Variants in GZMH observed in about 807,000 individuals in gnomAD.
The protein encoded by GZMH is cathepsin G-like 2, protein h-CCPX.
A neutral mutation model predicts 20.7 loss-of-function variants in GZMH; 24 were observed. The ratio of observed to expected loss-of-function variants is 1.16; its 90% CI spans 0.84 to 1.63. The LOEUF is 1.63. Among genes scored for constraint, GZMH ranks in the 40% most tolerant of loss-of-function variants. The probability of loss-of-function intolerance (pLI) is 0.00; values close to 1 mark genes in which losing one functional copy is unlikely to be tolerated. For synonymous variants in GZMH, 119 were observed against 116.1 expected, an observed-to-expected ratio of 1.02 and a Z score of -0.16; for missense variants, 344 against 302.7, an observed-to-expected ratio of 1.14 and a Z score of -1.01.
At chr14:24,609,529 C>A in intron 1 of GZMH, 30 bp downstream of exon 1, 1 of 1,537,014 alleles carries the variant, frequency 6.5e-7, no homozygotes, top group South Asian at 1.2e-5. Context: ...AAGATGGGTT[C>A]AGGCCTCTGG....
intron 1 of GZMH, among the ~76,000 whole-genome samples, chr14:24,608,625 G>T (rs2066890108): frequency 6.6e-6 from 1 of 152,200 alleles, no homozygotes; most frequent in Non-Finnish European, 1.5e-5. Context: ...AATGGACAGT[G>T]CTTGACTTCT....
rs777651881 is a variant in GZMH, at chr14:24,607,297, A to G, written c.449T>C (p.Val150Ala). The part of the protein sequence containing the change: ...QLCSVAGWGY[V>A]SMSTLATTLQ... The stretch of plus-strand genomic sequence containing the variant: ...TGTGGTTGCTAAAGTGCTCATTGAG[A>G]CATAACCCCAGCCAGCCACACTGCA... The change falls in exon 4 of 5, where the codon GTC becomes GCC. Residue 150 changes from valine to alanine, a missense_variant. By Grantham distance (64) the Val-to-Ala change is moderately conservative. Coordinates refer to ENST00000216338, the MANE Select transcript of GZMH (RefSeq NM_033423.5). 1 of 1,614,014 alleles carries G rather than the reference A, an allele frequency of 6.2e-7. No individual in the cohort carries two copies. The highest frequency in any genetic ancestry group is 8.5e-7 in the Non-Finnish European group (1 of 1,179,974).
rs1313846559 is a variant in GZMH, at chr14:24,607,274, T to C, written c.472A>G (p.Thr158Ala). The C allele has an allele frequency of 6.2e-7, 1 of 1,614,134 alleles. No individual in the cohort carries two copies. The highest frequency in any genetic ancestry group is 1.3e-5 in the African/African-American group (1 of 75,062). Residue 158 changes from threonine to alanine, a missense_variant, in exon 4 of 5, where the codon ACA becomes GCA. Physicochemically the swap from Thr to Ala is moderately conservative, Grantham distance 58. Transcript: ENST00000216338. The stretch of plus-strand genomic sequence containing the variant: ...ACTGTCAGCAACACTTCCTGCAGTG[T>C]GGTTGCTAAAGTGCTCATTGAGACA... Reference protein sequence around the residue: ...GYVSMSTLATTLQEVLLTVQK... With the variant: ...GYVSMSTLATALQEVLLTVQK...
Position 24,607,252 on chromosome 14 carries a change from G to A in GZMH, c.494C>T (p.Thr165Ile), listed in dbSNP as rs765817425. 1 of 1,613,992 alleles carries A rather than the reference G, an allele frequency of 6.2e-7. No individual in the cohort carries two copies. Among genetic ancestry groups the A allele is most frequent in the Non-Finnish European group, 8.5e-7 (1 of 1,180,026 alleles). Residue 165 changes from threonine (T) to isoleucine (I), a missense_variant, in exon 4 of 5, where the codon ACA becomes ATA. Coordinates refer to ENST00000216338, the MANE Select transcript of GZMH (RefSeq NM_033423.5). ...TTCACACTGGCAGTCCTTCTGCACTGTCAGCAACACTTCCTGCAGTGTGGT... is the reference window on the plus strand; with the variant it reads ...TTCACACTGGCAGTCCTTCTGCACTATCAGCAACACTTCCTGCAGTGTGGT... ...LATTLQEVLLTVQKDCQCERL... is the reference protein window; with the variant it reads ...LATTLQEVLLIVQKDCQCERL...
chr14:24,606,602 G>A lies in GZMH; in HGVS notation c.*1C>T, dbSNP rs1190541419. 3.7e-6 allele frequency: 6 copies of A among 1,612,820 alleles called. No individual in the cohort carries two copies. The highest frequency in any genetic ancestry group is 5.1e-6 in the Non-Finnish European group (6 of 1,179,502). ...GAGGAAGGTTAGTCTCATGCCTGCT[G>A]TTAGAGGCGCTTCATTGTTCTCTTT... is the stretch of plus-strand genomic sequence containing the variant. On this transcript the variant is annotated 3_prime_UTR_variant, in exon 5 of 5. Transcript: ENST00000216338.
At chr14:24,607,007 G>T in intron 4 of GZMH, 142 bp downstream of exon 4, 1 of 879,862 alleles carries the variant, frequency 1.1e-6, no homozygotes, top group Non-Finnish European at 1.8e-6. Context: ...CCAAGGAGTG[G>T]ACTAAAGACT....
chr14:24,608,746 C>T (rs1046123458), intron 1 of GZMH, among the ~76,000 whole-genome samples: 1 of 152,218 alleles, frequency 6.6e-6, no homozygotes, highest in Non-Finnish European at 1.5e-5. Flanking sequence ...TAGTGAGTCT[C>T]TCTGATTCCT....
intron 1 of GZMH, 137 bp downstream of exon 1, chr14:24,609,418 GTCTA>G: frequency 1.8e-6 from 1 of 560,016 alleles, no homozygotes; most frequent in East Asian, 3.0e-5. Context: ...TTTGCTGAGT[GTCTA>G]TCTAGCCTCA....
chr14:24,609,429 C>G (rs141674160), intron 1 of GZMH, 130 bp downstream of exon 1: 3 of 584,390 alleles, frequency 5.1e-6, no homozygotes, highest in East Asian at 2.9e-5. Context: ...TCTATCTAGC[C>G]TCAGATTTAT....
At position 24,607,171 on chromosome 14, in the gene GZMH, T is replaced by C; in HGVS notation, c.575A>G (p.Lys192Arg). 4 of 1,613,648 alleles carry C rather than the reference T, an allele frequency of 2.5e-6. No homozygotes were observed. The highest frequency in any genetic ancestry group is 3.4e-6 in the Non-Finnish European group (4 of 1,179,694). Residue 192 changes from lysine (K) to arginine (R), a missense_variant, in exon 4 of 5, where the codon AAG becomes AGG. Lys to Arg is a conservative substitution (Grantham distance 26). Coordinates refer to ENST00000216338, the MANE Select transcript of GZMH (RefSeq NM_033423.5). Reference sequence around the variant, plus strand: ...AACCTTGAAACCGGTCTGTGTCTTCTTTGGATCCCCCACACAAATCTCAGT... The same window carrying C: ...AACCTTGAAACCGGTCTGTGTCTTCCTTGGATCCCCCACACAAATCTCAGT... ...RATEICVGDP[K>R]KTQTGFKGDS...
intron 4 of GZMH, 145 bp downstream of exon 4, chr14:24,607,004 G>A: frequency 1.2e-6 from 1 of 864,004 alleles, no homozygotes; most frequent in Non-Finnish European, 1.8e-6. Context: ...CACCCAAGGA[G>A]TGGACTAAAG....
At chr14:24,606,865 G>T in intron 4 of GZMH, 119 bp from the exon 5 acceptor site, 1 of 933,472 alleles carries the variant, frequency 1.1e-6, no homozygotes, top group Non-Finnish European at 1.7e-6. Context: ...TCAGTCCTGG[G>T]TCTCCAGCAT....
intron 4 of GZMH, 103 bp from the exon 5 acceptor site, chr14:24,606,849 C>T (rs1164055722): frequency 9.5e-7 from 1 of 1,056,294 alleles, no homozygotes; most frequent in African/African-American, 1.6e-5. Flanking sequence ...TTGTCACTCA[C>T]CTCCCTCAGT....
chr14:24,607,340 C>T lies in GZMH; in HGVS notation c.406G>A (p.Val136Met). ...PLRLPSSKAQ[V>M]KPGQLCSVAG... is the part of the protein sequence containing the mutation. ...ACACTGCACAGCTGCCCTGGCTTCA[C>T]CTGGGCCTTGCTGCTAGGTAGCCTG... The change falls in exon 4 of 5, where the codon GTG (valine) becomes ATG (methionine). Residue 136 changes from valine to methionine, a missense_variant. Coordinates refer to ENST00000216338, the MANE Select transcript of GZMH (RefSeq NM_033423.5). 6.2e-7 allele frequency: 1 copy of T among 1,612,540 alleles called. No homozygotes were observed. Among genetic ancestry groups the T allele is most frequent in the East Asian group, 2.2e-5 (1 of 44,806 alleles).
chr14:24,608,682 AC>A (rs2066890438), intron 1 of GZMH, among the ~76,000 whole-genome samples: 1 of 152,190 alleles, frequency 6.6e-6, no homozygotes, highest in East Asian at 1.9e-4. Context: ...ATCTATTTTC[AC>A]AGTGGTAGAG....
intron 1 of GZMH, among the ~76,000 whole-genome samples, chr14:24,609,222 A>G (rs1026188988): frequency 2.0e-5 from 3 of 152,186 alleles, no homozygotes; most frequent in African/African-American, 7.2e-5. Flanking sequence ...TATGACTGCA[A>G]CTTGGTGTCT....
chr14:24,607,024 C>A, intron 4 of GZMH, 125 bp downstream of exon 4: 1 of 1,026,972 alleles, frequency 9.7e-7, no homozygotes, highest in East Asian at 2.4e-5. Context: ...GACTAGATTC[C>A]AGGGGGACAC....
At chr14:24,606,882 G>T in intron 4 of GZMH, 136 bp from the exon 5 acceptor site, 1 of 842,170 alleles carries the variant, frequency 1.2e-6, no homozygotes, top group Non-Finnish European at 1.9e-6. Flanking sequence ...GCATGGCCCT[G>T]GCTGTGCTTT....
chr14:24,608,389 C>A lies in GZMH; in HGVS notation c.79G>T (p.Ala27Ser). 6.2e-7 allele frequency: 1 copy of A among 1,614,052 alleles called. No homozygotes were observed. Among genetic ancestry groups the A allele is most frequent in the Non-Finnish European group, 8.5e-7 (1 of 1,179,958 alleles). The change falls in exon 2 of 5, where the codon GCC (alanine) becomes TCC (serine). Residue 27 changes from alanine (A) to serine (S), a missense_variant. Transcript: ENST00000216338. ...ATGTAGGGGCGGGAGTGGGGCTTGG[C>A]CTCATGGCCCCCGATGATCTCCTCT... is the stretch of plus-strand genomic sequence containing the variant. ...GTEEIIGGHE[A>S]KPHSRPYMAF...
Sources: allele counts gnomAD v4.1 joint callset (sites outside exome capture counted in the v4.1 genomes callset), GRCh38; gene constraint gnomAD v4.1.1; transcripts MANE v1.5; gene names NCBI Gene and HGNC (gene_info 2026-07-23, HGNC 2026-07-21).